FGFR2: variants seen among roughly 807,000 people sequenced by gnomAD.
FGFR2 encodes fibroblast growth factor receptor 2.
A neutral mutation model predicts 95.9 loss-of-function variants in FGFR2; 19 were observed. The ratio of observed to expected loss-of-function variants is 0.20; its 90% confidence interval spans 0.14 to 0.29. FGFR2 has a LOEUF of 0.29. FGFR2 is among the 10% of genes least tolerant of loss of function. The pLI, the probability that FGFR2 is intolerant of heterozygous loss-of-function variation, is 1.00. For synonymous variants in FGFR2, 392 were observed against 393.3 expected, an observed-to-expected ratio of 1.00 and a Z score of 0.04; for missense variants, 707 against 1,056.9, an observed-to-expected ratio of 0.67 and a Z score of 4.59.
chr10:121,553,905 C>T (rs559530988), intron 4 of FGFR2, among the ~76,000 whole-genome samples: 2 of 152,202 alleles, frequency 1.3e-5, no homozygotes, highest in Non-Finnish European at 2.9e-5. Context: ...GCCCAGGGAC[C>T]GGCCCAGACC....
At chr10:121,592,514 A>G (rs1337360501) in intron 2 of FGFR2, among the ~76,000 whole-genome samples, 2 of 152,152 alleles carry the variant, frequency 1.3e-5, no homozygotes, top group Non-Finnish European at 2.9e-5. Flanking sequence ...GCTTCAGGTG[A>G]TAAGTGCTTC....
At chr10:121,579,325 G>T (rs1237666071) in intron 2 of FGFR2, among the ~76,000 whole-genome samples, 2 of 152,236 alleles carry the variant, frequency 1.3e-5, no homozygotes, top group African/African-American at 4.8e-5. Context: ...TGGCCAGGAG[G>T]GCAGTCCTGG....
At position 121,478,415 on chromosome 10, in the gene FGFR2, T is replaced by C. The variant is rs1844279544; in HGVS notation, c.*1442A>G. The C allele has an allele frequency of 4.3e-6, 1 of 233,332 alleles. No homozygotes were observed. Among genetic ancestry groups the C allele is most frequent in the African/African-American group, 2.2e-5 (1 of 45,332 alleles). The allele number at this position is 233,332 out of a possible 1,614,324, so 14.5% of individuals were successfully genotyped here. A position where few individuals can be genotyped will look rare whatever the true frequency, so the allele number is the denominator to read the frequency against. On this transcript the variant is annotated 3_prime_UTR_variant, in exon 18 of 18. Coordinates refer to ENST00000358487, the MANE Select transcript of FGFR2 (RefSeq NM_000141.5). ...ACATTTTTATTGTCAGTATAAAAATTAACAGGTTTTATTAAATACTTTCTC... is the reference window on the plus strand; with the variant it reads ...ACATTTTTATTGTCAGTATAAAAATCAACAGGTTTTATTAAATACTTTCTC...
chr10:121,531,379 C>T lies in FGFR2; in HGVS notation c.748+7213G>A, dbSNP rs1303820695. 1 of 152,110 alleles carries T rather than the reference C, an allele frequency of 6.6e-6. No individual in the cohort carries two copies. The highest frequency in any genetic ancestry group is 1.5e-5 in the Non-Finnish European group (1 of 68,030). 9.4% of individuals were successfully genotyped at this position (152,110 alleles called of 1,614,324 possible). A position where few individuals can be genotyped will look rare whatever the true frequency, so the allele number is the denominator to read the frequency against. Reference sequence around the variant, plus strand: ...TAACCAGCCTTTGCCCCCCGGGATCCCTGTTGTGAAACAGGAATGAAAAGC... The same window carrying T: ...TAACCAGCCTTTGCCCCCCGGGATCTCTGTTGTGAAACAGGAATGAAAAGC... On this transcript the variant is annotated intron_variant, in intron 6 of 17. Coordinates refer to ENST00000358487, the MANE Select transcript of FGFR2 (RefSeq NM_000141.5). This position sits in a 1 kb window ranked among gnomAD's most constrained non-coding sequence, Gnocchi z 4.5.
At position 121,517,521 on chromosome 10, in the gene FGFR2, G is replaced by C. The variant is rs1367000462; in HGVS notation, c.940-58C>G. The C allele has an allele frequency of 6.2e-7, 1 of 1,610,184 alleles. No homozygotes were observed. Among genetic ancestry groups the C allele is most frequent in the Admixed American group, 1.7e-5 (1 of 59,886 alleles). ...GACGACACAGGAATGATTGTGGAGGGGGCTGTGGAACCACAAGGCGTCGCA... is the reference window on the plus strand; with the variant it reads ...GACGACACAGGAATGATTGTGGAGGCGGCTGTGGAACCACAAGGCGTCGCA... On this transcript the variant is annotated intron_variant, in intron 7 of 17. Coordinates refer to ENST00000358487, the MANE Select transcript of FGFR2 (RefSeq NM_000141.5). The surrounding 1 kb of genome is among the most constrained non-coding windows in gnomAD (Gnocchi z 4.7).
At chr10:121,581,767 A>T (rs1302756400) in intron 2 of FGFR2, among the ~76,000 whole-genome samples, 11 of 145,052 alleles carry the variant, frequency 7.6e-5, no homozygotes, top group Middle Eastern at 3.2e-3. Flanking sequence ...CATTTAAAAA[A>T]AAAAAAAAAA....
chr10:121,508,673 T>G (rs976428703), intron 9 of FGFR2, among the ~76,000 whole-genome samples: 2 of 152,224 alleles, frequency 1.3e-5, no homozygotes, highest in Non-Finnish European at 1.5e-5. Flanking sequence ...ACAAGAAGGA[T>G]GACTTACGGG....
At chr10:121,515,015 G>T in intron 9 of FGFR2, 102 bp downstream of exon 9, 1 of 1,097,158 alleles carries the variant, frequency 9.1e-7, no homozygotes, top group Non-Finnish European at 1.4e-6. Flanking sequence ...CTCGCACATG[G>T]AAGCTCACAG....
chr10:121,588,479 ATG>A (rs1564745795), intron 2 of FGFR2, among the ~76,000 whole-genome samples: 2 of 152,148 alleles, frequency 1.3e-5, no homozygotes, highest in Non-Finnish European at 1.5e-5. Flanking sequence ...AGGGAGGAAG[ATG>A]GTGTGGTAAA....
Position 121,496,404 on chromosome 10 carries a change from A to G in FGFR2, c.1863+128T>C, listed in dbSNP as rs566495147. On this transcript the variant is annotated intron_variant, in intron 13 of 17. Transcript: ENST00000358487. Reference sequence around the variant, plus strand: ...AACTCAAATGGGAATAACGCAATAAATATTTTCCAGGTTGTACAAGACATG... The same window carrying G: ...AACTCAAATGGGAATAACGCAATAAGTATTTTCCAGGTTGTACAAGACATG... 1.7e-4 allele frequency: 164 copies of G among 953,434 alleles called. No individual in the cohort carries two copies. The African/African-American group carries it at 2.0e-3, about 12-fold the overall frequency. 59.1% of individuals were successfully genotyped at this position (953,434 alleles called of 1,614,324 possible). A position where few individuals can be genotyped will look rare whatever the true frequency, so the allele number is the denominator to read the frequency against.
At chr10:121,595,160 G>A (rs3135716) in intron 1 of FGFR2, among the ~76,000 whole-genome samples, 3,082 of 152,206 alleles carry the variant, frequency 0.02, 97 homozygotes, top group African/African-American at 0.064. Flanking sequence ...GTGGCAGGGA[G>A]GCCTTTAATA....
chr10:121,571,051 C>T (rs909743363), intron 2 of FGFR2, among the ~76,000 whole-genome samples: 4 of 151,480 alleles, frequency 2.6e-5, no homozygotes, highest in Middle Eastern at 3.2e-3. Context: ...TGCAGTGGCG[C>T]GATCTTGGCT....
At chr10:121,546,185 T>TAAAAA (rs35408469) in intron 5 of FGFR2, among the ~76,000 whole-genome samples, 34 of 135,350 alleles carry the variant, frequency 2.5e-4, no homozygotes, top group African/African-American at 1.0e-3. Context: ...ACCTCTTTAT[T>TAAAAA]AAAAAAAAAA....
intron 2 of FGFR2, among the ~76,000 whole-genome samples, chr10:121,587,341 G>C (rs1285065509): frequency 6.6e-6 from 1 of 152,160 alleles, no homozygotes; most frequent in East Asian, 1.9e-4. Context: ...CCTGGACATA[G>C]GAATGGGCAA....
intron 2 of FGFR2, among the ~76,000 whole-genome samples, chr10:121,569,057 C>T (rs1350329543): frequency 2.0e-5 from 3 of 152,090 alleles, no homozygotes; most frequent in East Asian, 1.9e-4. Flanking sequence ...AATGAGCCAA[C>T]GAAGATGAAC....
At chr10:121,508,680 C>A (rs1221726166) in intron 9 of FGFR2, among the ~76,000 whole-genome samples, 3 of 152,130 alleles carry the variant, frequency 2.0e-5, no homozygotes, top group African/African-American at 4.8e-5. Context: ...GGATGACTTA[C>A]GGGAATTTTG....
intron 9 of FGFR2, among the ~76,000 whole-genome samples, chr10:121,514,676 A>C (rs1849456188): frequency 6.6e-6 from 1 of 152,238 alleles, no homozygotes; most frequent in Admixed American, 6.5e-5. Flanking sequence ...TGACTTTAAA[A>C]AATAAGTCAG....
intron 8 of FGFR2, among the ~76,000 whole-genome samples, chr10:121,516,600 T>A (rs938545181): frequency 6.6e-6 from 1 of 152,184 alleles, no homozygotes; most frequent in Non-Finnish European, 1.5e-5. Flanking sequence ...GGCAGATGCA[T>A]CAGAGAGGAC....
chr10:121,580,434 G>A (rs1244587396), intron 2 of FGFR2, among the ~76,000 whole-genome samples: 1 of 150,546 alleles, frequency 6.6e-6, no homozygotes, highest in African/African-American at 2.5e-5. Context: ...GGTTTGAACG[G>A]TCTGCTTGAG....
Sources: allele counts gnomAD v4.1 joint callset (sites outside exome capture counted in the v4.1 genomes callset), GRCh38; gene constraint gnomAD v4.1.1; non-coding constraint Gnocchi (gnomAD v3.1); transcripts MANE v1.5; gene names NCBI Gene and HGNC (gene_info 2026-07-23, HGNC 2026-07-21).